The following TBXAS1 variants were observed in gnomAD, a reference collection of about 807,000 sequenced individuals.
TBXAS1 encodes thromboxane A synthase 1, also known as thromboxane-A synthase.
Under a neutral mutation model 60.7 loss-of-function variants are expected in TBXAS1, and 48 were observed. The observed-to-expected ratio is 0.79, with a 90% CI of 0.63 to 1.01. The LOEUF (loss-of-function observed/expected upper bound fraction) is 1.01. Among genes scored for constraint, TBXAS1 ranks in the 50% least tolerant of loss-of-function variants. The pLI is 0.00. For missense variants in TBXAS1, 685 were observed against 686.3 expected, an observed-to-expected ratio of 1.00 and a Z score of 0.02; for synonymous variants, 287 against 269.7, an observed-to-expected ratio of 1.06 and a Z score of -0.63.
chr7:139,928,318 C>T (rs1335028345), intron 4 of TBXAS1, among the ~76,000 whole-genome samples: 3 of 152,134 alleles, frequency 2.0e-5, no homozygotes, highest in Non-Finnish European at 4.4e-5. Context: ...GGAATAAGTC[C>T]CACTTGGTCT....
At position 139,943,604 on chromosome 7, in the gene TBXAS1, C is replaced by T. The variant is rs189667537; in HGVS notation, c.450+7297C>T. Among the ~76,000 whole-genome samples, 414 of 152,340 alleles carry T rather than the reference C, an allele frequency of 2.7e-3. 2 individuals are homozygous for T. The highest frequency in any genetic ancestry group is 4.2e-3 in the Non-Finnish European group (287 of 68,034). On this transcript the variant is annotated intron_variant, in intron 5 of 12. Coordinates refer to ENST00000448866, the MANE Select transcript of TBXAS1 (RefSeq NM_001061.7). ...TGCTTGGCAACGCCAGCAGCCACCT[C>T]CTCATTGGGGTGACTTCTAATTGGT...
intron 3 of TBXAS1, among the ~76,000 whole-genome samples, chr7:139,904,688 A>AT (rs1187031848): frequency 8.5e-5 from 13 of 152,108 alleles, no homozygotes; most frequent in African/African-American, 3.1e-4. Flanking sequence ...ATTCCTAAGT[A>AT]TTTTTATTTT....
intron 3 of TBXAS1, among the ~76,000 whole-genome samples, chr7:139,878,590 G>A (rs989902990): frequency 3.3e-5 from 5 of 152,038 alleles, no homozygotes; most frequent in Admixed American, 6.6e-5. Context: ...ATATGGTGGC[G>A]GTGTAAAAAT....
At chr7:139,905,031 CTTTCTTTCTTTCTTTCTTTCTTTCTT>C (rs1804917684) in intron 3 of TBXAS1, among the ~76,000 whole-genome samples, 1 of 84,900 alleles carries the variant, frequency 1.2e-5, no homozygotes. Context: ...TTCTTTCTTT[CTTTCTTTCTTTCTTTCTTTCTTTCTT>C]TCTCTCTCTC....
At chr7:139,829,896 T>C (rs1798593463) in intron 1 of TBXAS1, among the ~76,000 whole-genome samples, 1 of 152,196 alleles carries the variant, frequency 6.6e-6, no homozygotes, top group African/African-American at 2.4e-5. Flanking sequence ...AAACAAGACG[T>C]AGGAGCTGTT....
Position 139,972,800 on chromosome 7 carries a change from G to T in TBXAS1, c.1134+10567G>T, listed in dbSNP as rs114676089. 2.4e-3 allele frequency among the ~76,000 whole-genome samples: 363 copies of T among 152,244 alleles called. 3 individuals are homozygous for T. Among genetic ancestry groups the T allele is most frequent in the African/African-American group, 8.4e-3 (348 of 41,554 alleles). ...GTCCCAGCCAGGATGTAAACCCCAC[G>T]ACTAGGAAGCCTCGTCCGCTGGGTA... On this transcript the variant is annotated intron_variant, in intron 9 of 12. Transcript: ENST00000448866.
intron 10 of TBXAS1, among the ~76,000 whole-genome samples, chr7:140,010,451 C>T (rs1814522136): frequency 6.6e-6 from 1 of 152,200 alleles, no homozygotes; most frequent in African/African-American, 2.4e-5. Context: ...TCTGAAGCTT[C>T]TGTTGATCTC....
In TBXAS1 at chr7:140,018,091, C is replaced by T. The variant is rs570082458; in HGVS notation, c.1527+258C>T. On this transcript the variant is annotated intron_variant, in intron 12 of 12. Coordinates refer to ENST00000448866, the MANE Select transcript of TBXAS1 (RefSeq NM_001061.7). ...CTCAGGTAAGCCCTGGCAAGCCAAC[C>T]CGAGCACGTGTTAACCATTGTTATT... 3.9e-4 allele frequency among the ~76,000 whole-genome samples: 59 copies of T among 152,346 alleles called. 1 individual carries two copies. Among genetic ancestry groups the T allele is most frequent in the African/African-American group, 1.3e-3 (53 of 41,572 alleles).
intron 9 of TBXAS1, among the ~76,000 whole-genome samples, chr7:139,993,329 G>A (rs930635008): frequency 4.6e-5 from 7 of 152,240 alleles, no homozygotes; most frequent in South Asian, 2.1e-4. Context: ...TGGGGAGGCC[G>A]GACTCACACA....
rs894427138 is a variant in TBXAS1, at chr7:139,829,447, C to T, written c.57C>T (p.Ala19=). The T allele has an allele frequency of 1.3e-5, 21 of 1,613,830 alleles. No individual in the cohort carries two copies. Among genetic ancestry groups the T allele is most frequent in the Non-Finnish European group, 1.7e-5 (20 of 1,179,976 alleles). The stretch of plus-strand genomic sequence containing the variant: ...TGAATGGCCCCATGGTGACGGTGGC[C>T]CTGTCAGTGGCTCTCTTGGCCCTCC... ...LEVNGPMVTV[A]LSVALLALLK... The change falls in exon 1 of 13, where the codon GCC becomes GCT. Residue 19 remains alanine (A), a synonymous_variant. Transcript: ENST00000448866.
intron 9 of TBXAS1, among the ~76,000 whole-genome samples, chr7:139,981,499 T>C (rs1421046749): frequency 6.6e-6 from 1 of 152,200 alleles, no homozygotes; most frequent in Non-Finnish European, 1.5e-5. Context: ...TTTTATCCCT[T>C]GTGTATGATC....
At chr7:139,856,208 G>T (rs1279280183) in intron 1 of TBXAS1, among the ~76,000 whole-genome samples, 2 of 152,312 alleles carry the variant, frequency 1.3e-5, no homozygotes, top group Non-Finnish European at 2.9e-5. Context: ...ACAGGGTTGT[G>T]GCTTCAACCC....
intron 12 of TBXAS1, among the ~76,000 whole-genome samples, chr7:140,018,520 C>G (rs1432470730): frequency 6.6e-6 from 1 of 152,152 alleles, no homozygotes; most frequent in Non-Finnish European, 1.5e-5. Flanking sequence ...GCTGAGCTCT[C>G]CTGAAATGGG....
At chr7:139,864,850 A>G (rs1801231675) in intron 1 of TBXAS1, among the ~76,000 whole-genome samples, 1 of 152,152 alleles carries the variant, frequency 6.6e-6, no homozygotes, top group African/African-American at 2.4e-5. Context: ...GGTCCCACTG[A>G]GATACCGATT....
intron 7 of TBXAS1, among the ~76,000 whole-genome samples, chr7:139,956,969 G>A (rs1238529822): frequency 6.6e-6 from 1 of 152,254 alleles, no homozygotes; most frequent in East Asian, 1.9e-4. Context: ...CCGGTACAGG[G>A]TGAACCCACA....
At chr7:139,837,419 CATCA>C (rs1163177285) in intron 1 of TBXAS1, among the ~76,000 whole-genome samples, 1 of 152,166 alleles carries the variant, frequency 6.6e-6, no homozygotes, top group Non-Finnish European at 1.5e-5. Context: ...CCCAAATGCC[CATCA>C]ATCAACAAGT....
At chr7:139,863,499 C>A (rs979748894) in intron 1 of TBXAS1, among the ~76,000 whole-genome samples, 3 of 152,164 alleles carry the variant, frequency 2.0e-5, no homozygotes, top group African/African-American at 7.2e-5. Context: ...GTAACTCCAA[C>A]ATATCTGTTC....
chr7:139,795,809 A>G (rs1209789002), intron 4 of TBXAS1, among the ~76,000 whole-genome samples: 1 of 151,186 alleles, frequency 6.6e-6, no homozygotes, highest in African/African-American at 2.4e-5. Context: ...GGTTCTGTCC[A>G]CTCCTCTGCC....
chr7:139,985,311 C>T (rs554442093), intron 9 of TBXAS1, among the ~76,000 whole-genome samples: 1 of 152,220 alleles, frequency 6.6e-6, no homozygotes, highest in Non-Finnish European at 1.5e-5. Context: ...CCACCCCCCA[C>T]CCCTCTAGCC....
Sources: gnomAD v4.1 joint callset for allele counts (sites outside exome capture counted in the v4.1 genomes callset) on GRCh38, gnomAD v4.1.1 for gene constraint, MANE v1.5 for transcripts, NCBI Gene and HGNC (gene_info 2026-07-23, HGNC 2026-07-21) for gene names.